The following DHX15 variants were observed in gnomAD, a reference collection of about 807,000 sequenced individuals.
DHX15 encodes DEAH-box helicase 15, also known as ATP-dependent RNA helicase DHX15.
DHX15 carries 11 observed loss-of-function variants against 94.4 expected under a neutral mutation model. The observed-to-expected ratio is 0.12, with a 90% CI of 0.07 to 0.19. DHX15 has a LOEUF of 0.19. Among genes scored for constraint, DHX15 ranks in the 10% least tolerant of loss-of-function variants. The pLI, the probability that DHX15 is intolerant of heterozygous loss-of-function variation, is 1.00. For synonymous variants in DHX15, 338 were observed against 329.9 expected (o/e 1.02, Z -0.27); for missense variants, 304 against 988.5 (o/e 0.31, Z 9.29).
chr4:24,546,783 T>C (rs531574551), intron 6 of DHX15, among the ~76,000 whole-genome samples: 2 of 152,230 alleles, frequency 1.3e-5, no homozygotes, highest in Non-Finnish European at 2.9e-5. Context: ...TATAAAGTTA[T>C]ACAGAATCAC....
intron 1 of DHX15, among the ~76,000 whole-genome samples, chr4:24,578,826 C>T (rs896157164): frequency 6.6e-6 from 1 of 152,110 alleles, no homozygotes; most frequent in African/African-American, 2.4e-5. Flanking sequence ...AGCCTCCCAA[C>T]GTGCTGGGAT....
At chr4:24,583,942 G>A (rs1722540804) in intron 1 of DHX15, among the ~76,000 whole-genome samples, 1 of 151,878 alleles carries the variant, frequency 6.6e-6, no homozygotes, top group South Asian at 2.1e-4. Flanking sequence ...TACTCCCACC[G>A]CGCCCTCCCC....
rs775972626 is a variant in DHX15 at position 24,554,911 on chromosome 4, T to G, written c.894A>C (p.Gly298=). The G allele has an allele frequency of 2.9e-5, 46 of 1,613,742 alleles. No individual in the cohort carries two copies. The highest frequency in any genetic ancestry group is 1.7e-4 in the Middle Eastern group (1 of 6,056). The change falls in exon 5 of 14, where the codon GGA becomes GGC. Residue 298 remains glycine, a synonymous_variant. Transcript: ENST00000336812. ...AGTTATCAAAGTAAATCTGGAATTT[T>G]CCTGCATCTAGAGTAGCGCTCATAA... ...VIVMSATLDA[G]KFQIYFDNCP...
At chr4:24,580,848 T>C (rs1407542186) in intron 1 of DHX15, 1 of 151,902 alleles carries the variant, frequency 6.6e-6, no homozygotes, top group African/African-American at 2.4e-5. Context: ...GTCAATCTTA[T>C]TTCCAGGAAC....
chr4:24,557,722 G>A (rs576582236), intron 3 of DHX15, among the ~76,000 whole-genome samples: 3 of 152,200 alleles, frequency 2.0e-5, no homozygotes, highest in African/African-American at 7.2e-5. Context: ...AAAAAACACT[G>A]CCAATTAAAT....
intron 4 of DHX15, 77 bp downstream of exon 4, chr4:24,556,174 T>C (rs181738400): frequency 1.0e-5 from 12 of 1,171,210 alleles, no homozygotes; most frequent in African/African-American, 7.6e-5. Context: ...CAGTTGGTTA[T>C]TGATCAGTAT....
At chr4:24,541,555 A>C (rs1721313110) in intron 8 of DHX15, among the ~76,000 whole-genome samples, 1 of 152,142 alleles carries the variant, frequency 6.6e-6, no homozygotes, top group African/African-American at 2.4e-5. Context: ...AAAGAGCAAA[A>C]AAATCACATC....
intron 13 of DHX15, 104 bp from the exon 14 acceptor site, chr4:24,528,145 CA>C (rs1720999779): frequency 1.4e-6 from 1 of 691,058 alleles, no homozygotes; most frequent in Non-Finnish European, 2.5e-6. Flanking sequence ...TGAACCAAGG[CA>C]AATCTATGAA....
Position 24,542,888 on chromosome 4 carries a change from G to T in DHX15, c.1335+52C>A. 3.8e-6 allele frequency: 5 copies of T among 1,313,062 alleles called. No homozygotes were observed. In the East Asian group the frequency reaches 7.0e-5, roughly 18 times the overall value. 81.3% of individuals were successfully genotyped at this position (1,313,062 alleles called of 1,614,324 possible). ...ATTTTAGCCATTAAATGAATTGGTT[G>T]TAAGTACTGTTAAACCAACTCTAAT... On this transcript the variant is annotated intron_variant, in intron 7 of 13. Transcript: ENST00000336812.
chr4:24,555,926 G>C (rs550617761), intron 4 of DHX15, among the ~76,000 whole-genome samples: 46 of 152,270 alleles, frequency 3.0e-4, no homozygotes, highest in Non-Finnish European at 4.1e-4. Flanking sequence ...GAGGGAGAAA[G>C]ATTTGATCCT....
chr4:24,581,393 A>C (rs1270065642), intron 1 of DHX15, among the ~76,000 whole-genome samples: 1 of 152,208 alleles, frequency 6.6e-6, no homozygotes, highest in Non-Finnish European at 1.5e-5. Flanking sequence ...TGGAAAAAAA[A>C]ATCAAAGTAC....
Position 24,579,664 on chromosome 4 carries a change from A to G in DHX15, c.72-2986T>C, listed in dbSNP as rs570730771. ...CCTCACCTATAAGATGTGGCTATCA[A>G]TATGTTTTGTAGAGTATAGATAGGA... On this transcript the variant is annotated intron_variant, in intron 1 of 13. Coordinates refer to ENST00000336812, the MANE Select transcript of DHX15 (RefSeq NM_001358.3). Among the ~76,000 whole-genome samples the G allele has an allele frequency of 4.4e-4, 67 of 152,334 alleles. 2 individuals are homozygous for G. The South Asian group carries it at 0.013, about 31-fold the overall frequency.
intron 3 of DHX15, among the ~76,000 whole-genome samples, chr4:24,570,267 A>T (rs892641833): frequency 1.6e-4 from 24 of 151,770 alleles, no homozygotes; most frequent in African/African-American, 5.8e-4. Context: ...CTCTCCCCTA[A>T]ATAAATCACA....
In DHX15 at chr4:24,537,410, A is replaced by G. The variant is rs372348917; in HGVS notation, c.1787-237T>C. 1.1e-5 allele frequency: 4 copies of G among 378,312 alleles called. No individual in the cohort carries two copies. The highest frequency in any genetic ancestry group is 1.9e-5 in the Non-Finnish European group (4 of 213,548). The allele number at this position is 378,312 out of a possible 1,614,324, so 23.4% of individuals were successfully genotyped here. On this transcript the variant is annotated intron_variant, in intron 10 of 13. Transcript: ENST00000336812. The surrounding 1 kb of genome is among the most constrained non-coding windows in gnomAD (Gnocchi z 4.7). ...TACCTGATTATTTTAACTAGATCTA[A>G]AAGTAGGCATCAAAACAGCTATTCT...
At chr4:24,555,668 T>TAC (rs1290591014) in intron 4 of DHX15, among the ~76,000 whole-genome samples, 2 of 152,128 alleles carry the variant, frequency 1.3e-5, no homozygotes, top group Admixed American at 6.6e-5. Flanking sequence ...ATGAATAGTA[T>TAC]ACACACACAA....
intron 4 of DHX15, among the ~76,000 whole-genome samples, chr4:24,555,565 T>G (rs1183630450): frequency 6.6e-6 from 1 of 152,200 alleles, no homozygotes; most frequent in Non-Finnish European, 1.5e-5. Context: ...AACCCTTGTT[T>G]GTTTGTTTGT....
At chr4:24,569,284 C>A (rs1007569544) in intron 3 of DHX15, among the ~76,000 whole-genome samples, 1 of 152,068 alleles carries the variant, frequency 6.6e-6, no homozygotes, top group African/African-American at 2.4e-5. Context: ...TAAACACATG[C>A]AGTTCATTAT....
chr4:24,569,104 T>TAA (rs1722061566), intron 3 of DHX15, among the ~76,000 whole-genome samples: 3 of 152,186 alleles, frequency 2.0e-5, no homozygotes, highest in Non-Finnish European at 4.4e-5. Context: ...CAATAAATTG[T>TAA]TTTAAGTTAT....
At chr4:24,567,802 AAAGT>A (rs986540541) in intron 3 of DHX15, among the ~76,000 whole-genome samples, 7 of 152,172 alleles carry the variant, frequency 4.6e-5, no homozygotes, top group African/African-American at 1.7e-4. Flanking sequence ...AGAAAACAGG[AAAGT>A]AAGTATGTTG....
Sources: gnomAD v4.1 joint callset for allele counts (sites outside exome capture counted in the v4.1 genomes callset) on GRCh38, gnomAD v4.1.1 for gene constraint, Gnocchi (gnomAD v3.1) non-coding constraint, MANE v1.5 for transcripts, NCBI Gene and HGNC (gene_info 2026-07-23, HGNC 2026-07-21) for gene names.